Variants in ITGA1 observed in about 807,000 individuals in gnomAD.
The protein encoded by ITGA1 is integrin alpha-1.
ITGA1 carries 85 observed loss-of-function variants against 145.9 expected under a neutral mutation model. The observed-to-expected ratio is 0.58, with a 90% CI of 0.49 to 0.70. ITGA1 has a LOEUF of 0.70. Ranked by LOEUF, ITGA1 falls within the 30% of genes least tolerant of loss-of-function variation. The pLI is 0.00. For missense variants in ITGA1, 1,351 were observed against 1,418.7 expected (o/e 0.95, Z 0.77); for synonymous variants, 520 against 495.3 (o/e 1.05, Z -0.66).
At chr5:52,871,176 G>A (rs1253890758) in intron 6 of ITGA1, among the ~76,000 whole-genome samples, 1 of 152,180 alleles carries the variant, frequency 6.6e-6, no homozygotes, top group Non-Finnish European at 1.5e-5. Context: ...GTTTCGCCTT[G>A]TTGGTTTTAA....
intron 23 of ITGA1, among the ~76,000 whole-genome samples, chr5:52,936,415 C>T (rs550279086): frequency 6.6e-6 from 1 of 152,274 alleles, no homozygotes; most frequent in South Asian, 2.1e-4. Flanking sequence ...GGATGTATTT[C>T]GTCTTTACAA....
intron 1 of ITGA1, chr5:52,801,796 G>A: frequency 6.2e-7 from 1 of 1,613,046 alleles, no homozygotes; most frequent in Non-Finnish European, 8.5e-7. Flanking sequence ...CCCTGTTCCC[G>A]AACTTTCTGA....
chr5:52,944,494 A>G (rs1482774354), intron 26 of ITGA1, among the ~76,000 whole-genome samples: 1 of 152,050 alleles, frequency 6.6e-6, no homozygotes, highest in Non-Finnish European at 1.5e-5. Flanking sequence ...AAATTATATT[A>G]TTTACTTGAT....
chr5:52,893,924 A>T, intron 9 of ITGA1, 84 bp downstream of exon 9: 2 of 1,027,794 alleles, frequency 1.9e-6, no homozygotes, highest in Non-Finnish European at 2.8e-6. Flanking sequence ...TTCCTAATAC[A>T]TCAGTAATAC....
At chr5:52,824,945 T>C (rs1748937647) in intron 1 of ITGA1, 2 of 152,312 alleles carry the variant, frequency 1.3e-5, no homozygotes, top group Admixed American at 1.3e-4. Flanking sequence ...TTTATTATAG[T>C]AAAATATACA....
chr5:52,865,939 A>G, intron 6 of ITGA1, 122 bp downstream of exon 6: 1 of 701,274 alleles, frequency 1.4e-6, no homozygotes, highest in Non-Finnish European at 2.2e-6. Flanking sequence ...TGAATTTTAT[A>G]TCCATTTCCT....
At chr5:52,840,661 A>G (rs1326625221) in intron 1 of ITGA1, among the ~76,000 whole-genome samples, 1 of 152,096 alleles carries the variant, frequency 6.6e-6, no homozygotes, top group Non-Finnish European at 1.5e-5. Flanking sequence ...AGATACTACA[A>G]AGGAAAATAA....
chr5:52,877,845 G>C (rs953958190), intron 6 of ITGA1, among the ~76,000 whole-genome samples: 1 of 152,190 alleles, frequency 6.6e-6, no homozygotes, highest in African/African-American at 2.4e-5. Flanking sequence ...CACCTGTCCT[G>C]CATGAGTAGG....
intron 16 of ITGA1, 79 bp from the exon 17 acceptor site, chr5:52,920,253 T>C (rs2111871646): frequency 9.0e-7 from 1 of 1,108,894 alleles, no homozygotes; most frequent in Non-Finnish European, 1.3e-6. Flanking sequence ...TTTTCTATAA[T>C]GCTAATTTAA....
At chr5:52,823,678 G>C (rs1748914494) in intron 1 of ITGA1, among the ~76,000 whole-genome samples, 1 of 152,172 alleles carries the variant, frequency 6.6e-6, no homozygotes, top group Non-Finnish European at 1.5e-5. Flanking sequence ...CTTGATCAAT[G>C]TTTAGCCTGT....
chr5:52,925,570 T>A (rs1750793501), intron 19 of ITGA1, 83 bp downstream of exon 19: 2 of 1,008,058 alleles, frequency 2.0e-6, no homozygotes, highest in Non-Finnish European at 3.0e-6. Context: ...TAATTGCTTT[T>A]ATTAGATTGA....
chr5:52,885,925 T>C (rs1473180688), intron 7 of ITGA1, among the ~76,000 whole-genome samples: 7 of 152,206 alleles, frequency 4.6e-5, no homozygotes, highest in South Asian at 2.1e-4. Flanking sequence ...TATAGGAACA[T>C]ACGGCACTGG....
chr5:52,852,862 T>C (rs1455758563), intron 2 of ITGA1, among the ~76,000 whole-genome samples: 1 of 152,078 alleles, frequency 6.6e-6, no homozygotes, highest in Non-Finnish European at 1.5e-5. Flanking sequence ...TTATCATCAA[T>C]TAAAAAAAAG....
In ITGA1 at chr5:52,905,853, T is replaced by G. The variant is rs368450440; in HGVS notation, c.1400T>G (p.Ile467Ser). Reference protein sequence around the residue: ...PRYNHTGQVIIYRMEDGNIKI... With the variant: ...PRYNHTGQVISYRMEDGNIKI... The stretch of plus-strand genomic sequence containing the variant: ...TACAATCATACAGGCCAGGTCATTA[T>G]CTACAGGATGGAAGATGGAAACATC... The change falls in exon 12 of 29, where the codon ATC becomes AGC. Residue 467 changes from isoleucine (I) to serine (S), a missense_variant. Transcript: ENST00000282588. 4.3e-6 allele frequency: 7 copies of G among 1,613,726 alleles called. No homozygotes were observed. The highest frequency in any genetic ancestry group is 1.1e-5 in the South Asian group (1 of 91,018).
chr5:52,841,896 G>T (rs1749258877), intron 1 of ITGA1, among the ~76,000 whole-genome samples: 1 of 151,090 alleles, frequency 6.6e-6, no homozygotes, highest in African/African-American at 2.5e-5. Flanking sequence ...GGAGGCTTTG[G>T]CAAGAGGTAA....
chr5:52,898,520 A>C (rs1236766078), intron 11 of ITGA1, 137 bp downstream of exon 11: 19 of 805,770 alleles, frequency 2.4e-5, no homozygotes, highest in Non-Finnish European at 3.5e-5. Context: ...TCCAGAACCC[A>C]TGCAAAGTTT....
chr5:52,934,232 C>T (rs1750933812), intron 23 of ITGA1, among the ~76,000 whole-genome samples: 2 of 149,580 alleles, frequency 1.3e-5, no homozygotes, highest in Admixed American at 6.7e-5. Flanking sequence ...ATTATATTTT[C>T]ACATCAGTTT....
At chr5:52,890,816 T>A (rs1425051858) in intron 8 of ITGA1, among the ~76,000 whole-genome samples, 1 of 152,218 alleles carries the variant, frequency 6.6e-6, no homozygotes, top group East Asian at 1.9e-4. Context: ...ACACTAGCTC[T>A]TATTCCTTCC....
intron 1 of ITGA1, among the ~76,000 whole-genome samples, chr5:52,791,437 T>C (rs1748238336): frequency 6.6e-6 from 1 of 152,120 alleles, no homozygotes; most frequent in South Asian, 2.1e-4. Context: ...GGAATGCAGC[T>C]AGTGACAAAA....
Sources: gnomAD v4.1 joint callset for allele counts (sites outside exome capture counted in the v4.1 genomes callset) on GRCh38, gnomAD v4.1.1 for gene constraint, MANE v1.5 for transcripts, NCBI Gene and HGNC (gene_info 2026-07-23, HGNC 2026-07-21) for gene names.